Variants in PARD3B observed in about 807,000 individuals in gnomAD.
PARD3B encodes partitioning defective 3 homolog B.
A neutral mutation model predicts 130.2 loss-of-function variants in PARD3B; 103 were observed. The ratio of observed to expected loss-of-function variants is 0.79; its 90% CI spans 0.67 to 0.93. The LOEUF (loss-of-function observed/expected upper bound fraction) is 0.93, where lower values mean the gene tolerates loss of function less well. Among genes scored for constraint, PARD3B ranks in the 40% least tolerant of loss-of-function variants. The probability of loss-of-function intolerance (pLI) is 0.00; values close to 1 mark genes in which losing one functional copy is unlikely to be tolerated. For synonymous variants in PARD3B, 583 were observed against 553.2 expected (o/e 1.05, Z -0.76); for missense variants, 1,609 against 1,499.2 (o/e 1.07, Z -1.21).
intron 1 of PARD3B, among the ~76,000 whole-genome samples, chr2:204,646,437 C>T (rs550040487): frequency 1.3e-5 from 2 of 152,148 alleles, no homozygotes; most frequent in South Asian, 4.1e-4. Context: ...TTGTGAGATT[C>T]ATCCATGTCA....
chr2:204,580,172 A>G (rs2032478181), intron 1 of PARD3B, among the ~76,000 whole-genome samples: 1 of 152,208 alleles, frequency 6.6e-6, no homozygotes, highest in African/African-American at 2.4e-5. Context: ...TGAAAAGTAA[A>G]GAGACAGAAG....
intron 3 of PARD3B, among the ~76,000 whole-genome samples, chr2:205,019,659 T>C (rs113988831): frequency 0.023 from 3,439 of 152,278 alleles, 115 homozygotes; most frequent in African/African-American, 0.075. Flanking sequence ...TGATGTCTTT[T>C]TTCTTATAGC....
intron 4 of PARD3B, among the ~76,000 whole-genome samples, chr2:205,100,888 T>A (rs1702731306): frequency 6.6e-6 from 1 of 152,126 alleles, no homozygotes; most frequent in Non-Finnish European, 1.5e-5. Context: ...TATAAGATTC[T>A]TATAATAAAA....
At chr2:204,685,187 A>G (rs2037017876) in intron 1 of PARD3B, among the ~76,000 whole-genome samples, 1 of 152,174 alleles carries the variant, frequency 6.6e-6, no homozygotes. Context: ...GCTGTATCCT[A>G]GAAGAATTTC....
Position 205,172,344 on chromosome 2 carries a change from A to G in PARD3B, c.1754A>G (p.Gln585Arg). The G allele has an allele frequency of 3.1e-6, 5 of 1,614,148 alleles. No homozygotes were observed. The highest frequency in any genetic ancestry group is 4.2e-6 in the Non-Finnish European group (5 of 1,180,004). The change falls in exon 12 of 23, where the codon CAG (glutamine) becomes CGG (arginine). Residue 585 changes from glutamine (Q) to arginine (R), a missense_variant. Coordinates refer to ENST00000406610, the MANE Select transcript of PARD3B (RefSeq NM_001302769.2). The stretch of plus-strand genomic sequence containing the variant: ...GAGGGAAACATCCGAGGGATGATCC[A>G]GTTGGTGATTCTGAGGAGGCCAGAG... ...SMEGNIRGMI[Q>R]LVILRRPERP...
intron 16 of PARD3B, among the ~76,000 whole-genome samples, chr2:205,246,991 G>T (rs1392520069): frequency 6.6e-6 from 1 of 152,192 alleles, no homozygotes; most frequent in Non-Finnish European, 1.5e-5. Context: ...TCAGAAGGAA[G>T]TTCTCATGAC....
intron 16 of PARD3B, among the ~76,000 whole-genome samples, chr2:205,285,754 C>T (rs2105853536): frequency 6.6e-6 from 1 of 152,292 alleles, no homozygotes; most frequent in Non-Finnish European, 1.5e-5. Flanking sequence ...ACTTCTGCCA[C>T]TCCCTCTGTA....
chr2:205,322,783 T>A (rs937638459), intron 18 of PARD3B, among the ~76,000 whole-genome samples: 1 of 152,022 alleles, frequency 6.6e-6, no homozygotes, highest in African/African-American at 2.4e-5. Context: ...TTTGAATGTC[T>A]GTGCCCCAAA....
intron 21 of PARD3B, among the ~76,000 whole-genome samples, chr2:205,517,833 A>G (rs982938043): frequency 5.3e-5 from 8 of 152,028 alleles, no homozygotes; most frequent in Non-Finnish European, 8.8e-5. Context: ...CCTTAACTTC[A>G]TTATTTGCCA....
chr2:205,113,326 A>T (rs1703775518), intron 5 of PARD3B, among the ~76,000 whole-genome samples, 165 bp from the exon 6 acceptor site: 1 of 152,058 alleles, frequency 6.6e-6, no homozygotes, highest in South Asian at 2.1e-4. Flanking sequence ...GGATCATCTG[A>T]ACATACCAAT....
At chr2:205,543,053 G>A (rs865787020) in intron 21 of PARD3B, among the ~76,000 whole-genome samples, 4 of 152,090 alleles carry the variant, frequency 2.6e-5, no homozygotes, top group African/African-American at 9.7e-5. Context: ...CTTCCACTGC[G>A]TAGATGTCTG....
intron 18 of PARD3B, among the ~76,000 whole-genome samples, chr2:205,336,000 T>C (rs1220079386): frequency 2.6e-5 from 4 of 152,150 alleles, no homozygotes; most frequent in East Asian, 1.9e-4. Flanking sequence ...CAATTCAAGA[T>C]GACATTTGGG....
At chr2:205,394,797 T>C (rs1157570529) in intron 18 of PARD3B, among the ~76,000 whole-genome samples, 2 of 152,138 alleles carry the variant, frequency 1.3e-5, no homozygotes, top group Non-Finnish European at 2.9e-5. Flanking sequence ...ATAGCCAAAT[T>C]CATAGAGAAG....
At chr2:205,164,033 T>C (rs1432829634) in intron 11 of PARD3B, among the ~76,000 whole-genome samples, 1 of 152,166 alleles carries the variant, frequency 6.6e-6, no homozygotes, top group Non-Finnish European at 1.5e-5. Context: ...AACACTAACA[T>C]TTTATTTCTA....
rs1559206717 is a variant in PARD3B at position 205,550,933 on chromosome 2, G to GTGTGTGTATATATA, written c.3181-2384_3181-2383insATATATATGTGTGT. On this transcript the variant is annotated intron_variant, in intron 21 of 22. Coordinates refer to ENST00000406610, the MANE Select transcript of PARD3B (RefSeq NM_001302769.2). The surrounding 1 kb of genome is among the most constrained non-coding windows in gnomAD (Gnocchi z 4.5). ...TAAATACATATAATTATGTGTGTGT[G>GTGTGTGTATATATA]TGTGTGTGTATATATATATGTGTAT... Among the ~76,000 whole-genome samples, 1 of 115,606 alleles carries GTGTGTGTATATATA rather than the reference G, an allele frequency of 8.7e-6. No individual in the cohort carries two copies. Among genetic ancestry groups the GTGTGTGTATATATA allele is most frequent in the African/African-American group, 3.4e-5 (1 of 29,630 alleles). The allele number at this position is 115,606 out of a possible 152,430, so 75.8% of individuals were successfully genotyped here.
At chr2:204,955,604 G>C (rs763178486) in intron 2 of PARD3B, among the ~76,000 whole-genome samples, 1 of 152,120 alleles carries the variant, frequency 6.6e-6, no homozygotes, top group Non-Finnish European at 1.5e-5. Context: ...AAACATACTT[G>C]CAGCTTGGAA....
chr2:204,761,811 C>CT (rs2040910473), intron 2 of PARD3B, among the ~76,000 whole-genome samples: 1 of 152,026 alleles, frequency 6.6e-6, no homozygotes, highest in Non-Finnish European at 1.5e-5. Context: ...ATTTATCTGA[C>CT]ATGTAAATAG....
chr2:204,998,477 G>GTGTATATAATATATGTATATATA (rs1694525125), intron 3 of PARD3B, among the ~76,000 whole-genome samples: 1 of 77,216 alleles, frequency 1.3e-5, no homozygotes, highest in Non-Finnish European at 2.6e-5. Context: ...GTATATATAT[G>GTGTATATAATATATGTATATATA]TGTATATAAT....
rs544507502 is a variant in PARD3B, at chr2:205,226,570, T to A, written c.2141-19208T>A. On this transcript the variant is annotated intron_variant, in intron 15 of 22. Coordinates refer to ENST00000406610, the MANE Select transcript of PARD3B (RefSeq NM_001302769.2). ...AGATAAGAGTCTAGTTTCATTCTCCTGCATATGAATATCCAGTTTTCCCAG... is the reference window on the plus strand; with the variant it reads ...AGATAAGAGTCTAGTTTCATTCTCCAGCATATGAATATCCAGTTTTCCCAG... Among the ~76,000 whole-genome samples, 675 of 152,348 alleles carry A rather than the reference T, an allele frequency of 4.4e-3. 4 individuals carry two copies. Among genetic ancestry groups the A allele is most frequent in the African/African-American group, 0.015 (638 of 41,586 alleles).
Sources: gnomAD v4.1 joint callset for allele counts (sites outside exome capture counted in the v4.1 genomes callset) on GRCh38, gnomAD v4.1.1 for gene constraint, Gnocchi (gnomAD v3.1) non-coding constraint, MANE v1.5 for transcripts, NCBI Gene and HGNC (gene_info 2026-07-23, HGNC 2026-07-21) for gene names.